Variants in ARHGAP15 observed in about 807,000 individuals in gnomAD.
The protein encoded by ARHGAP15 is rho GTPase-activating protein 15.
Under a neutral mutation model 63.7 loss-of-function variants are expected in ARHGAP15, and 51 were observed. That is an observed-to-expected ratio of 0.80 (90% confidence interval 0.64 to 1.01). The LOEUF (loss-of-function observed/expected upper bound fraction) is 1.01, where lower values mean the gene tolerates loss of function less well. Ranked by LOEUF, ARHGAP15 falls within the 50% of genes least tolerant of loss-of-function variation. The pLI is 0.00. For missense variants in ARHGAP15, 560 were observed against 564.6 expected, an observed-to-expected ratio of 0.99 and a Z score of 0.08; for synonymous variants, 191 against 193.8, an observed-to-expected ratio of 0.99 and a Z score of 0.12.
intron 1 of ARHGAP15, among the ~76,000 whole-genome samples, chr2:143,154,578 T>C (rs1488087339): frequency 6.6e-6 from 1 of 151,946 alleles, no homozygotes; most frequent in Non-Finnish European, 1.5e-5. Flanking sequence ...AAGAGGGCTG[T>C]TTCCAGAAAA....
rs146123365 is a variant in ARHGAP15, at chr2:143,755,830, G to A, written c.1245-12159G>A. Among the ~76,000 whole-genome samples the A allele has an allele frequency of 2.8e-3, 420 of 152,242 alleles. 4 individuals carry two copies. The highest frequency in any genetic ancestry group is 6.8e-3 in the Middle Eastern group (2 of 294). On this transcript the variant is annotated intron_variant, in intron 13 of 13. Coordinates refer to ENST00000295095, the MANE Select transcript of ARHGAP15 (RefSeq NM_018460.4). ...AAAATACAAAAACTAGCTGGGTGTGGTAGCGGGTGCCTGTAATCCTAGCTA... is the reference window on the plus strand; with the variant it reads ...AAAATACAAAAACTAGCTGGGTGTGATAGCGGGTGCCTGTAATCCTAGCTA...
At chr2:143,645,739 C>T (rs907726790) in intron 12 of ARHGAP15, among the ~76,000 whole-genome samples, 1 of 152,016 alleles carries the variant, frequency 6.6e-6, no homozygotes, top group African/African-American at 2.4e-5. Flanking sequence ...TGAAGCATCA[C>T]GTGGTGGCTG....
intron 6 of ARHGAP15, among the ~76,000 whole-genome samples, chr2:143,414,512 G>T (rs980620886): frequency 6.6e-6 from 1 of 151,940 alleles, no homozygotes; most frequent in African/African-American, 2.4e-5. Context: ...TTTCTCAATA[G>T]AAAAAATTTG....
intron 12 of ARHGAP15, among the ~76,000 whole-genome samples, chr2:143,662,177 T>G (rs1681845104): frequency 6.6e-6 from 1 of 152,134 alleles, no homozygotes; most frequent in African/African-American, 2.4e-5. Flanking sequence ...TCTGACAGCT[T>G]TGAAGAGAGC....
intron 2 of ARHGAP15, among the ~76,000 whole-genome samples, chr2:143,182,807 C>A (rs1691291181): frequency 6.6e-6 from 1 of 152,168 alleles, no homozygotes; most frequent in Non-Finnish European, 1.5e-5. Context: ...AGAGATCTGA[C>A]TGTATGTAAC....
chr2:143,408,772 A>C (rs892228404), intron 6 of ARHGAP15, among the ~76,000 whole-genome samples: 2 of 151,932 alleles, frequency 1.3e-5, no homozygotes, highest in African/African-American at 4.8e-5. Flanking sequence ...TAAAACATTC[A>C]TTTTTTAATT....
chr2:143,200,875 A>T (rs1283143220), intron 2 of ARHGAP15, among the ~76,000 whole-genome samples: 1 of 152,146 alleles, frequency 6.6e-6, no homozygotes, highest in South Asian at 2.1e-4. Context: ...AGCTCACATC[A>T]TCAACAAAAA....
intron 6 of ARHGAP15, among the ~76,000 whole-genome samples, chr2:143,412,829 T>A (rs544871684): frequency 6.6e-6 from 1 of 152,160 alleles, no homozygotes; most frequent in Non-Finnish European, 1.5e-5. Context: ...TTATATCTTA[T>A]GCTGTTTTCA....
intron 8 of ARHGAP15, among the ~76,000 whole-genome samples, chr2:143,479,720 A>C (rs1225284625): frequency 1.3e-5 from 2 of 152,092 alleles, no homozygotes; most frequent in Non-Finnish European, 2.9e-5. Flanking sequence ...AAATGATCTG[A>C]ATCTTTACAT....
intron 2 of ARHGAP15, among the ~76,000 whole-genome samples, chr2:143,163,003 C>T (rs1305036935): frequency 1.3e-5 from 2 of 152,004 alleles, no homozygotes; most frequent in Non-Finnish European, 2.9e-5. Flanking sequence ...ATATCTGCCT[C>T]AATTTTCAAA....
chr2:143,220,045 A>C (rs1018341354), intron 4 of ARHGAP15, among the ~76,000 whole-genome samples: 6 of 152,186 alleles, frequency 3.9e-5, no homozygotes, highest in South Asian at 2.1e-4. Flanking sequence ...ATATGTAATC[A>C]CCATGTTTAA....
At chr2:143,204,352 A>G (rs1356640122) in intron 3 of ARHGAP15, among the ~76,000 whole-genome samples, 1 of 152,088 alleles carries the variant, frequency 6.6e-6, no homozygotes, top group African/African-American at 2.4e-5. Flanking sequence ...TTTATTTCTC[A>G]TAGGTCTAGA....
intron 2 of ARHGAP15, among the ~76,000 whole-genome samples, chr2:143,177,485 G>T (rs1472357484): frequency 1.3e-5 from 2 of 152,040 alleles, no homozygotes; most frequent in Non-Finnish European, 2.9e-5. Flanking sequence ...CAACAGAAAA[G>T]GGTCTTTTGC....
chr2:143,688,927 C>G (rs1417042683), intron 12 of ARHGAP15, among the ~76,000 whole-genome samples: 6 of 152,078 alleles, frequency 3.9e-5, no homozygotes, highest in Admixed American at 3.3e-4. Flanking sequence ...AGTATACCAC[C>G]TCGATAATAT....
intron 10 of ARHGAP15, among the ~76,000 whole-genome samples, chr2:143,534,910 A>T (rs959941521): frequency 1.3e-5 from 2 of 151,872 alleles, no homozygotes; most frequent in African/African-American, 4.8e-5. Context: ...AAACAAAAAA[A>T]CCTATATGAA....
intron 12 of ARHGAP15, among the ~76,000 whole-genome samples, chr2:143,686,135 G>A (rs574198546): frequency 5.5e-4 from 84 of 152,090 alleles, no homozygotes; most frequent in Non-Finnish European, 8.4e-4. Flanking sequence ...AGGGCCTGGC[G>A]CGGTAGCTCA....
At chr2:143,506,855 G>GA (rs1693346977) in intron 9 of ARHGAP15, among the ~76,000 whole-genome samples, 1 of 150,866 alleles carries the variant, frequency 6.6e-6, no homozygotes, top group Non-Finnish European at 1.5e-5. Context: ...TGGTCTGTTA[G>GA]AAAAAAATAT....
chr2:143,658,129 C>G (rs1681553965), intron 12 of ARHGAP15, among the ~76,000 whole-genome samples: 1 of 152,150 alleles, frequency 6.6e-6, no homozygotes, highest in Non-Finnish European at 1.5e-5. Flanking sequence ...AAATTCTTAC[C>G]AAGGGATCTT....
chr2:143,536,509 G>T (rs1438314695), intron 10 of ARHGAP15, among the ~76,000 whole-genome samples: 1 of 147,166 alleles, frequency 6.8e-6, no homozygotes, highest in African/African-American at 2.5e-5. Context: ...ATCTCCTAAT[G>T]CTATCCCTCC....
Sources: allele counts gnomAD v4.1 joint callset (sites outside exome capture counted in the v4.1 genomes callset), GRCh38; gene constraint gnomAD v4.1.1; transcripts MANE v1.5; gene names NCBI Gene and HGNC (gene_info 2026-07-23, HGNC 2026-07-21).